The following CDH8 variants were observed in gnomAD, a reference collection of about 807,000 sequenced individuals.
CDH8 encodes the protein cadherin-8.
Under a neutral mutation model 68.1 loss-of-function variants are expected in CDH8, and 17 were observed. The observed-to-expected ratio is 0.25, with a 90% CI of 0.17 to 0.37. The LOEUF (loss-of-function observed/expected upper bound fraction) is 0.37. CDH8 is among the 10% of genes least tolerant of loss of function. The pLI is 1.00. For missense variants in CDH8, 763 were observed against 999.3 expected (o/e 0.76, Z 3.19); for synonymous variants, 372 against 365.1 (o/e 1.02, Z -0.21).
rs1962960469 is a variant in CDH8, at chr16:61,852,679, G to A, written c.667+4440C>T. Among the ~76,000 whole-genome samples, 10 of 152,178 alleles carry A rather than the reference G, an allele frequency of 6.6e-5. No individual in the cohort carries two copies. The South Asian group carries it at 2.1e-3, about 32-fold the overall frequency. On this transcript the variant is annotated intron_variant, in intron 4 of 11. Coordinates refer to ENST00000577390, the MANE Select transcript of CDH8 (RefSeq NM_001796.5). ...CATCAGAGAAACAGATAGAAGTATA[G>A]ACTGGATACCAAGCTTTATTCCCTA... is the stretch of plus-strand genomic sequence containing the variant.
At position 62,021,270 on chromosome 16, in the gene CDH8, T is replaced by C. The variant is rs763352015; in HGVS notation, c.134A>G (p.Glu45Gly). The C allele has an allele frequency of 1.9e-6, 3 of 1,613,848 alleles. No homozygotes were observed. Among genetic ancestry groups the C allele is most frequent in the East Asian group, 2.2e-5 (1 of 44,886 alleles). ...CTGTTCTTCACCCAGACTGTTTAGT[T>C]CCAAAGGGGATCCACTCATTAAAAC... ...SQVLMSGSPL[E>G]LNSLGEEQRI... Residue 45 changes from glutamate (E) to glycine (G), a missense_variant, in exon 2 of 12, where the codon GAA becomes GGA. Around this residue, in one of 2 missense-constraint regions of CDH8, gnomAD observed 366 missense variants for 563.1 expected, o/e 0.65. Coordinates refer to ENST00000577390, the MANE Select transcript of CDH8 (RefSeq NM_001796.5).
intron 2 of CDH8, among the ~76,000 whole-genome samples, chr16:61,972,571 G>GGGTGGGTGTGTGT (rs369833002): frequency 9.8e-4 from 129 of 131,542 alleles, no homozygotes; most frequent in Non-Finnish European, 1.8e-3. Flanking sequence ...ACACATTGTG[G>GGGTGGGTGTGTGT]GTGTGTGTGT....
At chr16:61,724,087 T>C (rs907267066) in intron 9 of CDH8, among the ~76,000 whole-genome samples, 1 of 150,702 alleles carries the variant, frequency 6.6e-6, no homozygotes, top group Non-Finnish European at 1.5e-5. Context: ...GTGATTCAGG[T>C]TGATTTTGTG....
intron 1 of CDH8, among the ~76,000 whole-genome samples, chr16:62,028,366 C>A (rs1472566255): frequency 6.6e-6 from 1 of 152,022 alleles, no homozygotes; most frequent in African/African-American, 2.4e-5. Context: ...CCGCGACCGG[C>A]CTCAAATCCA....
intron 10 of CDH8, among the ~76,000 whole-genome samples, chr16:61,670,497 AC>A (rs1396521743): frequency 6.6e-6 from 1 of 152,074 alleles, no homozygotes; most frequent in African/African-American, 2.4e-5. Flanking sequence ...AACATATATC[AC>A]TGATCTTGAA....
At chr16:61,982,013 T>G (rs183680151) in intron 2 of CDH8, among the ~76,000 whole-genome samples, 76 of 152,292 alleles carry the variant, frequency 5.0e-4, no homozygotes, top group African/African-American at 1.7e-3. Flanking sequence ...TTTTTATTTG[T>G]ATTGTCGTTG....
At chr16:61,998,179 T>C (rs1965837476) in intron 2 of CDH8, among the ~76,000 whole-genome samples, 1 of 152,124 alleles carries the variant, frequency 6.6e-6, no homozygotes, top group African/African-American at 2.4e-5. Context: ...AAAAGATAAT[T>C]AGGAAATGAT....
chr16:61,858,712 A>T (rs1346716761), intron 3 of CDH8, among the ~76,000 whole-genome samples: 2 of 152,178 alleles, frequency 1.3e-5, no homozygotes, highest in Non-Finnish European at 2.9e-5. Flanking sequence ...CTGGGATGTG[A>T]TGCAGTCACA....
At chr16:61,922,982 A>G (rs1051947319) in intron 2 of CDH8, among the ~76,000 whole-genome samples, 2 of 152,204 alleles carry the variant, frequency 1.3e-5, no homozygotes, top group African/African-American at 4.8e-5. Context: ...ATCACCTTAA[A>G]TATTTGTATT....
At chr16:61,706,149 C>T (rs947068573) in intron 10 of CDH8, among the ~76,000 whole-genome samples, 1 of 152,172 alleles carries the variant, frequency 6.6e-6, no homozygotes. Flanking sequence ...CCCTGTCCTA[C>T]AGAGAAAAGA....
At chr16:61,916,733 G>C (rs1454379982) in intron 2 of CDH8, among the ~76,000 whole-genome samples, 1 of 152,070 alleles carries the variant, frequency 6.6e-6, no homozygotes, top group Non-Finnish European at 1.5e-5. Context: ...AAGCTCACCT[G>C]GGCAGGAGTT....
chr16:61,662,087 G>GTTTTTTTTTTTTTTTTTGGTTTATTTTTT (rs1963574188), intron 10 of CDH8, among the ~76,000 whole-genome samples: 1 of 92,792 alleles, frequency 1.1e-5, no homozygotes, highest in Non-Finnish European at 2.2e-5. Context: ...TTTTACTTTA[G>GTTTTTTTTTTTTTTTTTGGTTTATTTTTT]TTTTTTTTTT....
intron 7 of CDH8, among the ~76,000 whole-genome samples, chr16:61,791,004 C>G (rs1380870939): frequency 6.6e-6 from 1 of 150,996 alleles, no homozygotes; most frequent in Non-Finnish European, 1.5e-5. Context: ...TCCTGCCCAC[C>G]AAAGATAAGC....
intron 4 of CDH8, among the ~76,000 whole-genome samples, chr16:61,844,548 G>A (rs1362081141): frequency 6.6e-6 from 1 of 152,130 alleles, no homozygotes; most frequent in Non-Finnish European, 1.5e-5. Flanking sequence ...GGGTATAGGA[G>A]GCACATTACT....
At chr16:61,919,283 T>A (rs1416113815) in intron 2 of CDH8, among the ~76,000 whole-genome samples, 1 of 148,278 alleles carries the variant, frequency 6.7e-6, no homozygotes, top group Non-Finnish European at 1.5e-5. Context: ...GGAACGCAGT[T>A]CCTCACCAGC....
chr16:61,684,854 A>T (rs192487381), intron 10 of CDH8, among the ~76,000 whole-genome samples: 326 of 150,516 alleles, frequency 2.2e-3, no homozygotes, highest in Non-Finnish European at 2.2e-3. Flanking sequence ...AATGGATTCA[A>T]CTCCCCTTCC....
chr16:61,652,782 TA>T lies in CDH8; in HGVS notation c.*825del, dbSNP rs1963350616. The T allele has an allele frequency of 7.5e-7, 1 of 1,338,608 alleles. No individual in the cohort carries two copies. The highest frequency in any genetic ancestry group is 1.5e-5 in the African/African-American group (1 of 66,668). The allele number at this position is 1,338,608 out of a possible 1,614,324, so 82.9% of individuals were successfully genotyped here. On this transcript the variant is annotated 3_prime_UTR_variant, in exon 12 of 12. Transcript: ENST00000577390. ...ATATTTATTTCGAGGATTAAACAAATAAATTCACGCGCTAGCAATAAAACCA... is the reference window on the plus strand; with the variant it reads ...ATATTTATTTCGAGGATTAAACAAATAATTCACGCGCTAGCAATAAAACCA...
Position 61,772,442 on chromosome 16 carries a change from A to G in CDH8, c.1414+16904T>C, listed in dbSNP as rs1012142831. ...AAATCCAATGAGGCTGAGCTCTGGT[A>G]TTTTTATTAGATGAAATAACTGATG... On this transcript the variant is annotated intron_variant, in intron 8 of 11. Coordinates refer to ENST00000577390, the MANE Select transcript of CDH8 (RefSeq NM_001796.5). Among the ~76,000 whole-genome samples the G allele has an allele frequency of 2.0e-5, 3 of 152,186 alleles. No individual in the cohort carries two copies. The East Asian group carries it at 5.8e-4, about 29-fold the overall frequency.
intron 8 of CDH8, among the ~76,000 whole-genome samples, chr16:61,742,562 ATACT>A (rs1959905303): frequency 6.6e-6 from 1 of 152,180 alleles, no homozygotes; most frequent in Non-Finnish European, 1.5e-5. Flanking sequence ...AAAGAAATGC[ATACT>A]TAACTTTTTC....
Sources: allele counts gnomAD v4.1 joint callset (sites outside exome capture counted in the v4.1 genomes callset), GRCh38; gene constraint gnomAD v4.1.1; regional missense constraint gnomAD v4.1.1; transcripts MANE v1.5; gene names NCBI Gene and HGNC (gene_info 2026-07-23, HGNC 2026-07-21).